The following CSMD3 variants were observed in gnomAD, a reference collection of about 807,000 sequenced individuals.
CSMD3 encodes CUB and Sushi multiple domains 3, also known as CUB and sushi domain-containing protein 3.
A neutral mutation model predicts 435.2 loss-of-function variants in CSMD3; 177 were observed. That is an observed-to-expected ratio of 0.41 (90% CI 0.36 to 0.46). The LOEUF is 0.46. CSMD3 is among the 20% of genes least tolerant of loss of function. The pLI is 0.34. For synonymous variants in CSMD3, 1,656 were observed against 1,520.5 expected (o/e 1.09, Z -2.07); for missense variants, 4,265 against 4,504.6 (o/e 0.95, Z 1.52).
At chr8:113,193,318 C>T (rs541222950) in intron 3 of CSMD3, among the ~76,000 whole-genome samples, 1 of 151,310 alleles carries the variant, frequency 6.6e-6, no homozygotes, top group African/African-American at 2.4e-5. Flanking sequence ...TGTTTTTGGT[C>T]CTCTTATTGC....
At chr8:112,322,779 G>A (rs1020459054) in intron 45 of CSMD3, among the ~76,000 whole-genome samples, 1 of 151,964 alleles carries the variant, frequency 6.6e-6, no homozygotes, top group Non-Finnish European at 1.5e-5. Context: ...TGTTCAAAGT[G>A]TGTTATTTTC....
intron 23 of CSMD3, 85 bp from the exon 24 acceptor site, chr8:112,573,742 A>C: frequency 1.8e-6 from 2 of 1,127,452 alleles, no homozygotes; most frequent in South Asian, 2.7e-5. Flanking sequence ...AAAAAGAGAA[A>C]AGTGTACTTT....
At chr8:112,701,120 T>C (rs990933022) in intron 13 of CSMD3, among the ~76,000 whole-genome samples, 3 of 152,136 alleles carry the variant, frequency 2.0e-5, no homozygotes, top group Non-Finnish European at 4.4e-5. Flanking sequence ...AAAGTATTAG[T>C]CTATAATCTT....
chr8:113,301,478 T>C (rs150999948), intron 2 of CSMD3, among the ~76,000 whole-genome samples: 5 of 152,114 alleles, frequency 3.3e-5, no homozygotes, highest in African/African-American at 1.2e-4. Flanking sequence ...CTGTTATAGT[T>C]AGAAAACATA....
At chr8:113,155,749 T>C (rs1431067541) in intron 4 of CSMD3, among the ~76,000 whole-genome samples, 1 of 152,100 alleles carries the variant, frequency 6.6e-6, no homozygotes, top group Non-Finnish European at 1.5e-5. Flanking sequence ...TCATGTTGGT[T>C]CTGAAAATAA....
At chr8:113,046,676 T>A (rs1232951777) in intron 5 of CSMD3, among the ~76,000 whole-genome samples, 1 of 152,078 alleles carries the variant, frequency 6.6e-6, no homozygotes, top group African/African-American at 2.4e-5. Context: ...GAGGCCGGCG[T>A]CAAAGAGCTC....
At chr8:112,316,218 C>G (rs1822446940) in intron 47 of CSMD3, among the ~76,000 whole-genome samples, 1 of 151,648 alleles carries the variant, frequency 6.6e-6, no homozygotes, top group Non-Finnish European at 1.5e-5. Context: ...CTGTTTTCTA[C>G]TTTTTTTGGA....
rs906121874 is a variant in CSMD3, at chr8:112,940,440, C to T, written c.1508+7350G>A. Among the ~76,000 whole-genome samples, 3 of 151,590 alleles carry T rather than the reference C, an allele frequency of 2.0e-5. No homozygotes were observed. In the East Asian group the frequency reaches 5.8e-4, roughly 29 times the overall value. Reference sequence around the variant, plus strand: ...AAAAGGCATCAATTAAGGCCTTTCCCACAGAAAGAAAGTCTATGAATATAA... The same window carrying T: ...AAAAGGCATCAATTAAGGCCTTTCCTACAGAAAGAAAGTCTATGAATATAA... On this transcript the variant is annotated intron_variant, in intron 9 of 70. Coordinates refer to ENST00000297405, the MANE Select transcript of CSMD3 (RefSeq NM_198123.2).
chr8:113,286,274 T>C lies in CSMD3; in HGVS notation c.402-7570A>G, dbSNP rs6986841. ...TATTTCCTCTGTAAAAACTTAGAAA[T>C]GATAACGATATTTTATACTGAAATG... On this transcript the variant is annotated intron_variant, in intron 2 of 70. Transcript: ENST00000297405. Among the ~76,000 whole-genome samples, 1,464 of 152,206 alleles carry C rather than the reference T, an allele frequency of 9.6e-3. 22 individuals carry two copies. Among genetic ancestry groups the C allele is most frequent in the African/African-American group, 0.031 (1,291 of 41,538 alleles).
chr8:113,076,045 T>C (rs1025309627), intron 5 of CSMD3, among the ~76,000 whole-genome samples: 1 of 151,802 alleles, frequency 6.6e-6, no homozygotes, highest in Non-Finnish European at 1.5e-5. Flanking sequence ...AAAGTTATCT[T>C]TGAAATGGAA....
intron 13 of CSMD3, among the ~76,000 whole-genome samples, chr8:112,739,741 T>C (rs2132047815): frequency 6.6e-6 from 1 of 151,974 alleles, no homozygotes; most frequent in African/African-American, 2.4e-5. Context: ...AACAATATTA[T>C]ATGTATTGTA....
chr8:113,367,818 C>T (rs1461260805), intron 1 of CSMD3, among the ~76,000 whole-genome samples: 1 of 152,054 alleles, frequency 6.6e-6, no homozygotes, highest in Non-Finnish European at 1.5e-5. Flanking sequence ...TTTAAATAGA[C>T]TTCCCTGGCC....
intron 1 of CSMD3, among the ~76,000 whole-genome samples, chr8:113,407,768 C>T (rs185245280): frequency 6.7e-4 from 102 of 152,142 alleles, no homozygotes; most frequent in African/African-American, 2.3e-3. Flanking sequence ...AGTTTATGCT[C>T]AAAAGATGCT....
At chr8:112,704,142 TTCTC>T (rs372978462) in intron 13 of CSMD3, among the ~76,000 whole-genome samples, 1 of 151,384 alleles carries the variant, frequency 6.6e-6, no homozygotes, top group Non-Finnish European at 1.5e-5. Flanking sequence ...ACATATTTAA[TTCTC>T]TCTCTCTCTC....
At chr8:112,751,069 T>A (rs2077558365) in intron 13 of CSMD3, among the ~76,000 whole-genome samples, 1 of 54,246 alleles carries the variant, frequency 1.8e-5, no homozygotes, top group African/African-American at 1.0e-4. Context: ...ATAGTAGCTT[T>A]GTATTAAAAA....
intron 54 of CSMD3, among the ~76,000 whole-genome samples, chr8:112,293,742 A>G (rs901057780): frequency 5.3e-5 from 8 of 152,138 alleles, no homozygotes; most frequent in East Asian, 1.9e-4. Context: ...ATCTCACTCT[A>G]TTAATCAGAG....
At chr8:112,303,034 C>T (rs1373337598) in intron 52 of CSMD3, among the ~76,000 whole-genome samples, 1 of 152,056 alleles carries the variant, frequency 6.6e-6, no homozygotes, top group African/African-American at 2.4e-5. Flanking sequence ...ATCCTTTAAA[C>T]AATTCTACAT....
chr8:113,118,493 T>C (rs1564335696), intron 4 of CSMD3, among the ~76,000 whole-genome samples: 2 of 152,094 alleles, frequency 1.3e-5, no homozygotes, highest in African/African-American at 4.8e-5. Context: ...TGGATTGGTG[T>C]TATATTTGTA....
intron 38 of CSMD3, among the ~76,000 whole-genome samples, chr8:112,376,567 C>A (rs556312200): frequency 6.6e-6 from 1 of 151,956 alleles, no homozygotes; most frequent in Non-Finnish European, 1.5e-5. Flanking sequence ...CAGTGAGGAA[C>A]TAAGTGGCCT....
Sources: allele counts gnomAD v4.1 joint callset (sites outside exome capture counted in the v4.1 genomes callset), GRCh38; gene constraint gnomAD v4.1.1; transcripts MANE v1.5; gene names NCBI Gene and HGNC (gene_info 2026-07-23, HGNC 2026-07-21).